Variants in FBXO34 observed in about 807,000 individuals in gnomAD.
FBXO34 encodes F-box protein 34.
Under a neutral mutation model 24.5 loss-of-function variants are expected in FBXO34, and 12 were observed. The observed-to-expected ratio is 0.49, with a 90% CI of 0.31 to 0.79. FBXO34 has a LOEUF of 0.79. Ranked by LOEUF, FBXO34 falls within the 30% of genes least tolerant of loss-of-function variation. FBXO34 has a pLI of 0.04. For missense variants in FBXO34, 823 were observed against 857.7 expected, an observed-to-expected ratio of 0.96 and a Z score of 0.51; for synonymous variants, 320 against 311.9, an observed-to-expected ratio of 1.03 and a Z score of -0.27.
At chr14:55,357,346 T>C (rs1304486006), downstream of FBXO34, among the ~76,000 whole-genome samples, 2 of 152,142 alleles carry the variant, frequency 1.3e-5, no homozygotes, top group Admixed American at 1.3e-4. Context: ...GAGGTGATGT[T>C]CCTCTATCTG....
downstream of FBXO34, chr14:55,366,634 A>C (rs889512298): frequency 1.0e-5 from 1 of 98,622 alleles, no homozygotes; most frequent in Admixed American, 8.0e-5. Flanking sequence ...CAGATGTGCA[A>C]AACTTTTCTT....
the FBXO34 span, among the ~76,000 whole-genome samples, chr14:55,387,439 A>G: frequency 6.6e-6 from 1 of 152,186 alleles, no homozygotes; most frequent in Non-Finnish European, 1.5e-5. Context: ...GCCCCCCTCC[A>G]TAAACACTCC....
In FBXO34 at chr14:55,351,506, C is replaced by G; in HGVS notation, c.1116C>G (p.Asp372Glu). 1 of 1,614,172 alleles carries G rather than the reference C, an allele frequency of 6.2e-7. No individual in the cohort carries two copies. The highest frequency in any genetic ancestry group is 8.5e-7 in the Non-Finnish European group (1 of 1,180,032). ...AGGCCTGGGACGGTGCTTCTCAGGA[C>G]TGCCCCCCATTGCCAGCAGGAGTGA... ...EDQAWDGASQ[D>E]CPPLPAGVSF... Residue 372 changes from aspartate (D) to glutamate (E), a missense_variant, in exon 2 of 2, where the codon GAC (aspartate) becomes GAG (glutamate). Transcript: ENST00000313833.
At chr14:55,322,162 T>A (rs1450316277) in intron 1 of FBXO34, among the ~76,000 whole-genome samples, 1 of 151,488 alleles carries the variant, frequency 6.6e-6, no homozygotes, top group South Asian at 2.1e-4. Flanking sequence ...AAGAAAAAAT[T>A]AGCTGGGCGT....
the FBXO34 span, among the ~76,000 whole-genome samples, chr14:55,416,747 C>G: frequency 6.6e-6 from 1 of 152,206 alleles, no homozygotes; most frequent in African/African-American, 2.4e-5. Context: ...CTGCATTCGT[C>G]TTGAACAACC....
At chr14:55,286,340 T>C (rs1051062567) in intron 1 of FBXO34, among the ~76,000 whole-genome samples, 4 of 152,244 alleles carry the variant, frequency 2.6e-5, no homozygotes, top group Non-Finnish European at 5.9e-5. Flanking sequence ...CCTTCATTAA[T>C]GAACCTCGGT....
intron 1 of FBXO34, among the ~76,000 whole-genome samples, chr14:55,334,200 G>T (rs181994662): frequency 2.9e-4 from 44 of 152,282 alleles, no homozygotes; most frequent in Admixed American, 1.1e-3. Flanking sequence ...CTCAGAGAAA[G>T]CAGGGCGCTA....
intron 1 of FBXO34, among the ~76,000 whole-genome samples, chr14:55,304,943 C>G (rs1249452540): frequency 6.6e-6 from 1 of 152,156 alleles, no homozygotes; most frequent in African/African-American, 2.4e-5. Flanking sequence ...TGAAAATTAT[C>G]ATAGTCTGTT....
chr14:55,368,167 T>G (rs1288110201), downstream of FBXO34: 1 of 152,644 alleles, frequency 6.6e-6, no homozygotes, highest in Non-Finnish European at 1.5e-5. Flanking sequence ...CTTGTAAGAT[T>G]GTCACTAAAA....
the FBXO34 span, chr14:55,411,781 A>G: frequency 6.2e-7 from 1 of 1,604,032 alleles, no homozygotes; most frequent in Non-Finnish European, 8.5e-7. Flanking sequence ...CGCAGCCAGG[A>G]GCCTCCAGCG....
At chr14:55,283,413 G>C (rs1052430708) in intron 1 of FBXO34, among the ~76,000 whole-genome samples, 3 of 151,262 alleles carry the variant, frequency 2.0e-5, no homozygotes, top group African/African-American at 7.3e-5. Context: ...TAATTTTACA[G>C]ATATTTATAT....
rs199599790 is a variant in FBXO34, at chr14:55,283,469, C to CT, written c.-11+11947dup. Among the ~76,000 whole-genome samples, 1,166 of 137,564 alleles carry CT rather than the reference C, an allele frequency of 8.5e-3. 11 individuals are homozygous for CT. The highest frequency in any genetic ancestry group is 0.027 in the Middle Eastern group (7 of 264). The allele number at this position is 137,564 out of a possible 152,430, so 90.2% of individuals were successfully genotyped here. Reference sequence around the variant, plus strand: ...GTAAGAATTTATTCTTTTTTTCTTTCTTTTTTTTTTTTTTTGAGACAGTCT... The same window carrying CT: ...GTAAGAATTTATTCTTTTTTTCTTTCTTTTTTTTTTTTTTTTGAGACAGTCT... On this transcript the variant is annotated intron_variant, in intron 1 of 1. Transcript: ENST00000313833.
At chr14:55,284,086 A>AC (rs1195763290) in intron 1 of FBXO34, among the ~76,000 whole-genome samples, 2 of 151,470 alleles carry the variant, frequency 1.3e-5, no homozygotes, top group Non-Finnish European at 2.9e-5. Flanking sequence ...GCAGCCTCAG[A>AC]CTCCTGAGCT....
chr14:55,442,143 C>G, the FBXO34 span, among the ~76,000 whole-genome samples: 1 of 150,962 alleles, frequency 6.6e-6, no homozygotes, highest in Non-Finnish European at 1.5e-5. Flanking sequence ...AATCCCAGAA[C>G]TTTGGGAGGC....
At chr14:55,282,324 T>C in intron 1 of FBXO34, 2 of 458,922 alleles carry the variant, frequency 4.4e-6, no homozygotes, top group South Asian at 3.2e-5. Flanking sequence ...TGCTTGTGCT[T>C]TCAACACTTT....
chr14:55,349,376 GGCACC>G (rs1195088963), intron 1 of FBXO34, among the ~76,000 whole-genome samples: 2 of 151,948 alleles, frequency 1.3e-5, no homozygotes, highest in Non-Finnish European at 2.9e-5. Flanking sequence ...ACCAAAACAA[GGCACC>G]ATCTTTCTGA....
chr14:55,323,234 T>TATTTA (rs1883224265), intron 1 of FBXO34, among the ~76,000 whole-genome samples: 2 of 69,690 alleles, frequency 2.9e-5, no homozygotes, highest in Admixed American at 1.3e-4. Context: ...TATTTTTTTT[T>TATTTA]TTTTTTTTTT....
At chr14:55,327,939 T>TTTTTTTTTTTTTTTTTTTTTTC (rs1883403492) in intron 1 of FBXO34, among the ~76,000 whole-genome samples, 1 of 78,844 alleles carries the variant, frequency 1.3e-5, no homozygotes, top group Non-Finnish European at 2.4e-5. Flanking sequence ...TTTTTTTTTT[T>TTTTTTTTTTTTTTTTTTTTTTC]TTTTGGAGAC....
chr14:55,380,876 T>TATATATATA, the FBXO34 span, among the ~76,000 whole-genome samples: 1,170 of 83,668 alleles, frequency 0.014, 10 homozygotes, highest in African/African-American at 0.061. Context: ...TATATATATA[T>TATATATATA]TTTTTTTTTT....
Sources: allele counts gnomAD v4.1 joint callset (sites outside exome capture counted in the v4.1 genomes callset), GRCh38; gene constraint gnomAD v4.1.1; transcripts MANE v1.5; gene names NCBI Gene and HGNC (gene_info 2026-07-23, HGNC 2026-07-21).